Variants in CPPED1 observed in about 807,000 individuals in gnomAD.
The protein encoded by CPPED1 is serine/threonine-protein phosphatase CPPED1.
CPPED1 carries 28 observed loss-of-function variants against 28.0 expected under a neutral mutation model. The ratio of observed to expected loss-of-function variants is 1.00; its 90% CI spans 0.74 to 1.37. The LOEUF (loss-of-function observed/expected upper bound fraction) is 1.37. Among genes scored for constraint, CPPED1 ranks in the 40% most tolerant of loss-of-function variants. CPPED1 has a pLI of 0.00. For missense variants in CPPED1, 504 were observed against 416.5 expected, an observed-to-expected ratio of 1.21 and a Z score of -1.83; for synonymous variants, 198 against 180.2, an observed-to-expected ratio of 1.10 and a Z score of -0.79.
chr16:12,679,516 G>A (rs2141171254), intron 3 of CPPED1, among the ~76,000 whole-genome samples: 1 of 152,216 alleles, frequency 6.6e-6, no homozygotes, highest in South Asian at 2.1e-4. Context: ...TAATTTAAAT[G>A]TGTATACTAC....
chr16:12,677,720 C>A (rs1049771453), intron 3 of CPPED1, among the ~76,000 whole-genome samples: 1 of 152,214 alleles, frequency 6.6e-6, no homozygotes, highest in Non-Finnish European at 1.5e-5. Context: ...CCATCACTTC[C>A]GGCTTCAGCC....
chr16:12,690,161 A>C (rs2079954794), intron 3 of CPPED1, among the ~76,000 whole-genome samples: 2 of 152,020 alleles, frequency 1.3e-5, no homozygotes, highest in African/African-American at 2.4e-5. Flanking sequence ...TGAACTGGTG[A>C]GGGGCTGGCC....
intron 2 of CPPED1, chr16:12,752,919 T>C (rs947850329): frequency 6.7e-6 from 1 of 149,532 alleles, no homozygotes; most frequent in Non-Finnish European, 1.5e-5. Flanking sequence ...TATATAAATA[T>C]GTCAATATAT....
chr16:12,718,487 C>A (rs959336892), intron 2 of CPPED1, among the ~76,000 whole-genome samples: 1 of 140,384 alleles, frequency 7.1e-6, no homozygotes, highest in Admixed American at 7.7e-5. Flanking sequence ...TGTAGTGAGC[C>A]GAAATTGTGC....
Position 12,781,356 on chromosome 16 carries a change from C to T in CPPED1, c.118G>A (p.Asp40Asn). 1 of 1,614,158 alleles carries T rather than the reference C, an allele frequency of 6.2e-7. No homozygotes were observed. Among genetic ancestry groups the T allele is most frequent in the Non-Finnish European group, 8.5e-7 (1 of 1,180,042 alleles). Residue 40 changes from aspartate to asparagine, a missense_variant, in exon 2 of 4, where the codon GAC (aspartate) becomes AAC (asparagine). Physicochemically the swap from Asp to Asn is conservative, Grantham distance 23. Coordinates refer to ENST00000381774, the MANE Select transcript of CPPED1 (RefSeq NM_018340.3). ...KGPFYFILGA[D>N]PQFGLIKAWS... ...GCCTTGATCAGCCCAAACTGTGGGT[C>T]TGCGCCCAGGATGAAGTAGAATGGG...
At chr16:12,757,289 C>T (rs892612159) in intron 2 of CPPED1, among the ~76,000 whole-genome samples, 5 of 152,082 alleles carry the variant, frequency 3.3e-5, no homozygotes, top group Non-Finnish European at 7.4e-5. Context: ...GCTGGTTGGT[C>T]ACCCTAATTT....
At chr16:12,766,279 A>AGAGAGAGG (rs2080438759) in intron 2 of CPPED1, among the ~76,000 whole-genome samples, 1 of 144,484 alleles carries the variant, frequency 6.9e-6, no homozygotes, top group African/African-American at 2.6e-5. Flanking sequence ...AGAGAGAGGG[A>AGAGAGAGG]GAGAGAGAGA....
intron 3 of CPPED1, among the ~76,000 whole-genome samples, chr16:12,690,493 A>AAT (rs200605368): frequency 0.015 from 2,263 of 150,408 alleles, 48 homozygotes; most frequent in African/African-American, 0.051. Flanking sequence ...CAGCCTGGGC[A>AAT]ATAGCGCAAG....
chr16:12,711,522 G>C (rs1277619201), intron 2 of CPPED1, among the ~76,000 whole-genome samples: 2 of 152,204 alleles, frequency 1.3e-5, no homozygotes, highest in Admixed American at 1.3e-4. Context: ...TAAAAGAAAA[G>C]AGAAGAAACC....
intron 2 of CPPED1, among the ~76,000 whole-genome samples, chr16:12,717,302 C>T (rs950670198): frequency 3.3e-5 from 5 of 152,184 alleles, no homozygotes; most frequent in African/African-American, 4.8e-5. Context: ...CTCGCTTTGT[C>T]GCCCAGGCTG....
chr16:12,753,897 T>C (rs12149268), intron 2 of CPPED1: 67,914 of 151,944 alleles, frequency 0.45, 16,626 homozygotes, highest in Admixed American at 0.56. Flanking sequence ...CCCTCCTGTG[T>C]GGCTTGGGGA....
At chr16:12,704,513 C>A in intron 3 of CPPED1, 111 bp downstream of exon 3, 1 of 1,168,464 alleles carries the variant, frequency 8.6e-7, no homozygotes, top group Non-Finnish European at 1.2e-6. Flanking sequence ...GAACTCCCGG[C>A]CTAGTCCTCT....
chr16:12,736,570 T>C (rs1327530889), intron 2 of CPPED1, among the ~76,000 whole-genome samples: 1 of 152,166 alleles, frequency 6.6e-6, no homozygotes, highest in African/African-American at 2.4e-5. Flanking sequence ...TGGAAACTTC[T>C]AGCTGTTGTG....
intron 1 of CPPED1, among the ~76,000 whole-genome samples, chr16:12,791,862 G>A (rs143038637): frequency 8.3e-4 from 127 of 152,240 alleles, no homozygotes; most frequent in African/African-American, 3.0e-3. Context: ...GTCAATATTT[G>A]GTGAAGAAAT....
chr16:12,663,927 G>A lies in CPPED1; in HGVS notation c.*959C>T, dbSNP rs2079810654. 6.6e-6 allele frequency: 1 copy of A among 152,234 alleles called. No homozygotes were observed. Among genetic ancestry groups the A allele is most frequent in the African/African-American group, 2.4e-5 (1 of 41,450 alleles). The allele number at this position is 152,234 out of a possible 1,614,324, so 9.4% of individuals were successfully genotyped here. A position where few individuals can be genotyped will look rare whatever the true frequency, so the allele number is the denominator to read the frequency against. On this transcript the variant is annotated 3_prime_UTR_variant, in exon 4 of 4. Transcript: ENST00000381774. The stretch of plus-strand genomic sequence containing the variant: ...GCTTTTGTCAAGGGATTTTGCATTA[G>A]TGCATTTAGTCCAAGTCAGGGCCAA...
At chr16:12,693,547 T>TAA (rs1161007924) in intron 3 of CPPED1, among the ~76,000 whole-genome samples, 1 of 152,200 alleles carries the variant, frequency 6.6e-6, no homozygotes, top group African/African-American at 2.4e-5. Flanking sequence ...CAAACATTTT[T>TAA]AAGTAAAATT....
chr16:12,680,568 CA>C (rs2079899348), intron 3 of CPPED1, among the ~76,000 whole-genome samples: 1 of 152,158 alleles, frequency 6.6e-6, no homozygotes, highest in Non-Finnish European at 1.5e-5. Flanking sequence ...CATCCAGATT[CA>C]GGGGGCAGAG....
chr16:12,770,968 A>G (rs963051460), intron 2 of CPPED1, among the ~76,000 whole-genome samples: 7 of 152,142 alleles, frequency 4.6e-5, no homozygotes, highest in African/African-American at 1.7e-4. Context: ...CCCCGAGGGA[A>G]GCACTTAGGG....
chr16:12,724,415 A>G (rs868807947), intron 2 of CPPED1, among the ~76,000 whole-genome samples: 7 of 152,162 alleles, frequency 4.6e-5, no homozygotes, highest in Non-Finnish European at 7.3e-5. Flanking sequence ...CCTCCTGACC[A>G]GCCTGTCACT....
Sources: allele counts gnomAD v4.1 joint callset (sites outside exome capture counted in the v4.1 genomes callset), GRCh38; gene constraint gnomAD v4.1.1; transcripts MANE v1.5; gene names NCBI Gene and HGNC (gene_info 2026-07-23, HGNC 2026-07-21).